PLXNA4: variants seen among roughly 807,000 people sequenced by gnomAD.
PLXNA4 encodes plexin A4, also known as plexin-A4.
A neutral mutation model predicts 191.8 loss-of-function variants in PLXNA4; 44 were observed. That is an observed-to-expected ratio of 0.23 (90% CI 0.18 to 0.29). PLXNA4 has a LOEUF of 0.29. PLXNA4 is among the 10% of genes least tolerant of loss of function. The pLI, the probability that PLXNA4 is intolerant of heterozygous loss-of-function variation, is 1.00. For synonymous variants in PLXNA4, 1,082 were observed against 1,009.5 expected (o/e 1.07, Z -1.36); for missense variants, 1,800 against 2,488.8 (o/e 0.72, Z 5.89).
chr7:132,145,063 T>G, intron 29 of PLXNA4, 56 bp downstream of exon 29: 1 of 1,611,870 alleles, frequency 6.2e-7, no homozygotes, highest in Non-Finnish European at 8.5e-7. Context: ...CACCATTAAC[T>G]TGAGGCTGGG....
At chr7:132,396,684 G>A (rs956993096) in intron 3 of PLXNA4, among the ~76,000 whole-genome samples, 3 of 152,120 alleles carry the variant, frequency 2.0e-5, no homozygotes, top group Non-Finnish European at 4.4e-5. Context: ...TAGAGGACGG[G>A]GCTTCACCAT....
rs1798583595 is a variant in PLXNA4 at position 132,508,623 on chromosome 7, G to T, written c.71C>A (p.Thr24Asn). 6.2e-7 allele frequency: 1 copy of T among 1,608,750 alleles called. No individual in the cohort carries two copies. Among genetic ancestry groups the T allele is most frequent in the Non-Finnish European group, 8.5e-7 (1 of 1,177,208 alleles). Residue 24 changes from threonine (T) to asparagine (N), a missense_variant, in exon 2 of 32, where the codon ACT (threonine) becomes AAT (asparagine). Physicochemically the swap from Thr to Asn is moderately conservative, Grantham distance 65. Transcript: ENST00000321063. The surrounding 1 kb of genome is among the most constrained non-coding windows in gnomAD (Gnocchi z 4.4). ...CGGGGCTGGCTGCCGGGTGAGCAAA[G>T]TGGAGGAGCCCATGCCCACCATGAG... ...HLLMVGMGSS[T>N]LLTRQPAPLS...
At chr7:132,422,690 T>C (rs1452496609) in intron 3 of PLXNA4, among the ~76,000 whole-genome samples, 1 of 152,172 alleles carries the variant, frequency 6.6e-6, no homozygotes, top group Admixed American at 6.5e-5. Context: ...GTCTATTAGG[T>C]TTGCAGAGGG....
intron 1 of PLXNA4, among the ~76,000 whole-genome samples, chr7:132,564,055 T>A (rs1293508599): frequency 2.0e-5 from 1 of 48,896 alleles, no homozygotes; most frequent in East Asian, 7.5e-4. Flanking sequence ...CCTCCCCCTC[T>A]TTCTCCTCCT....
At chr7:132,246,307 C>T (rs979369018) in intron 4 of PLXNA4, among the ~76,000 whole-genome samples, 21 of 152,280 alleles carry the variant, frequency 1.4e-4, no homozygotes, top group Middle Eastern at 3.4e-3. Flanking sequence ...TTCTTTTCAA[C>T]GTAATCTCAA....
intron 3 of PLXNA4, among the ~76,000 whole-genome samples, chr7:132,359,209 CTTT>C (rs57415453): frequency 0.17 from 18,857 of 110,302 alleles, 898 homozygotes; most frequent in East Asian, 0.3. Flanking sequence ...GTCAAGGCTG[CTTT>C]TTTTTTTTTT....
intron 2 of PLXNA4, among the ~76,000 whole-genome samples, chr7:132,615,513 C>T (rs1355277970): frequency 6.6e-6 from 1 of 152,190 alleles, no homozygotes; most frequent in Non-Finnish European, 1.5e-5. Context: ...TGGCTGAGGG[C>T]TCTGGACGCA....
At chr7:132,353,751 A>G (rs939113254) in intron 3 of PLXNA4, among the ~76,000 whole-genome samples, 1 of 152,154 alleles carries the variant, frequency 6.6e-6, no homozygotes, top group African/African-American at 2.4e-5. Context: ...GAGGCAGAGA[A>G]AGGATGAATT....
chr7:132,325,499 C>G (rs1802322941), intron 3 of PLXNA4, among the ~76,000 whole-genome samples: 1 of 152,134 alleles, frequency 6.6e-6, no homozygotes, highest in African/African-American at 2.4e-5. Context: ...CAGAAATAAT[C>G]AAGATAAGAG....
At chr7:132,298,782 T>G (rs1008051672) in intron 3 of PLXNA4, among the ~76,000 whole-genome samples, 1 of 152,232 alleles carries the variant, frequency 6.6e-6, no homozygotes, top group Admixed American at 6.5e-5. Flanking sequence ...TACCATTAGG[T>G]CCTGAAACCT....
intron 30 of PLXNA4, among the ~76,000 whole-genome samples, chr7:132,138,106 G>C (rs542001975): frequency 1.1e-3 from 162 of 152,252 alleles, no homozygotes; most frequent in Non-Finnish European, 1.5e-3. Flanking sequence ...AGTTATTGAG[G>C]CTTCCTGAAT....
At chr7:132,404,472 G>A (rs1458553133) in intron 3 of PLXNA4, among the ~76,000 whole-genome samples, 1 of 152,188 alleles carries the variant, frequency 6.6e-6, no homozygotes, top group Non-Finnish European at 1.5e-5. Flanking sequence ...CAGTGGGCAG[G>A]TGGCCTCCCA....
At chr7:132,310,467 T>A (rs1442469777) in intron 3 of PLXNA4, among the ~76,000 whole-genome samples, 1 of 152,186 alleles carries the variant, frequency 6.6e-6, no homozygotes, top group Non-Finnish European at 1.5e-5. Flanking sequence ...ATGAGTCCCA[T>A]TAACATTGGA....
intron 2 of PLXNA4, among the ~76,000 whole-genome samples, chr7:132,494,716 CAG>C (rs1336139447): frequency 6.6e-6 from 1 of 152,240 alleles, no homozygotes; most frequent in African/African-American, 2.4e-5. Flanking sequence ...ATACAAATGA[CAG>C]AGCAGTTACG....
At chr7:132,332,535 A>G (rs148988492) in intron 3 of PLXNA4, among the ~76,000 whole-genome samples, 29 of 152,288 alleles carry the variant, frequency 1.9e-4, no homozygotes, top group African/African-American at 6.7e-4. Flanking sequence ...TAAATCCCTC[A>G]CTGGGAGAAT....
chr7:132,525,975 A>G (rs1383322729), intron 1 of PLXNA4, among the ~76,000 whole-genome samples: 1 of 151,990 alleles, frequency 6.6e-6, no homozygotes, highest in Non-Finnish European at 1.5e-5. Flanking sequence ...CCCTATTATG[A>G]CCTCTGGGAA....
chr7:132,539,988 TG>T (rs1476419654), intron 1 of PLXNA4, among the ~76,000 whole-genome samples: 2 of 152,220 alleles, frequency 1.3e-5, no homozygotes, highest in Non-Finnish European at 2.9e-5. Context: ...AGGTCTCCTC[TG>T]GGGCCATTTC....
At chr7:132,382,587 T>G (rs1197408529) in intron 3 of PLXNA4, among the ~76,000 whole-genome samples, 1 of 152,192 alleles carries the variant, frequency 6.6e-6, no homozygotes, top group Non-Finnish European at 1.5e-5. Flanking sequence ...AATTGTCATG[T>G]GTAGTATTTT....
At chr7:132,519,309 A>G (rs539556055) in intron 1 of PLXNA4, among the ~76,000 whole-genome samples, 1 of 152,296 alleles carries the variant, frequency 6.6e-6, no homozygotes, top group African/African-American at 2.4e-5. Flanking sequence ...GGGTCTGTCC[A>G]GGGGTACTGG....
Sources: gnomAD v4.1 joint callset for allele counts (sites outside exome capture counted in the v4.1 genomes callset) on GRCh38, gnomAD v4.1.1 for gene constraint, Gnocchi (gnomAD v3.1) non-coding constraint, MANE v1.5 for transcripts, NCBI Gene and HGNC (gene_info 2026-07-23, HGNC 2026-07-21) for gene names.